SEPTIN14: variants seen among roughly 807,000 people sequenced by gnomAD.
SEPTIN14 encodes septin-14.
SEPTIN14 carries 40 observed loss-of-function variants against 53.6 expected under a neutral mutation model. That is an observed-to-expected ratio of 0.75 (90% CI 0.58 to 0.97). The LOEUF is 0.97. Among genes scored for constraint, SEPTIN14 ranks in the 50% least tolerant of loss-of-function variants. SEPTIN14 has a pLI of 0.00. For missense variants in SEPTIN14, 471 were observed against 508.2 expected, an observed-to-expected ratio of 0.93 and a Z score of 0.70; for synonymous variants, 138 against 166.8, an observed-to-expected ratio of 0.83 and a Z score of 1.33.
chr7:55,811,101 G>T (rs1181806641), intron 7 of SEPTIN14: 1 of 467,724 alleles, frequency 2.1e-6, no homozygotes. Context: ...AGATGTCAGG[G>T]GTGTTTGAAT....
At chr7:55,819,409 G>A (rs866863874) in intron 6 of SEPTIN14, among the ~76,000 whole-genome samples, 186 bp from the exon 7 acceptor site, 4 of 152,180 alleles carry the variant, frequency 2.6e-5, no homozygotes, top group South Asian at 4.1e-4. Flanking sequence ...CTATCATGGC[G>A]GAACCCCATC....
At chr7:55,831,551 A>G (rs1274429730) in intron 6 of SEPTIN14, among the ~76,000 whole-genome samples, 2 of 152,214 alleles carry the variant, frequency 1.3e-5, no homozygotes, top group Non-Finnish European at 2.9e-5. Flanking sequence ...AAACTCTTCT[A>G]GATATTGGCC....
chr7:55,845,277 T>A (rs1160720345), intron 3 of SEPTIN14, among the ~76,000 whole-genome samples: 1 of 149,112 alleles, frequency 6.7e-6, no homozygotes, highest in East Asian at 2.0e-4. Context: ...GTAGCGCTAT[T>A]CACAGTAGCA....
intron 9 of SEPTIN14, chr7:55,798,406 C>T (rs1229480570): frequency 8.3e-6 from 2 of 240,372 alleles, no homozygotes; most frequent in South Asian, 5.9e-5. Flanking sequence ...GAGGAGGAGC[C>T]CTGGGCCCCT....
chr7:55,822,309 T>C lies in SEPTIN14; in HGVS notation c.721-3086A>G, dbSNP rs533603942. The stretch of plus-strand genomic sequence containing the variant: ...GTACATGGATAGAAAGACTCAATAT[T>C]GTCAAGATGTCAATGTTCCATAACT... On this transcript the variant is annotated intron_variant, in intron 6 of 9. Coordinates refer to ENST00000388975, the MANE Select transcript of SEPTIN14 (RefSeq NM_207366.3). 1.4e-3 allele frequency among the ~76,000 whole-genome samples: 209 copies of C among 152,338 alleles called. 2 individuals carry two copies. Among genetic ancestry groups the C allele is most frequent in the Middle Eastern group, 0.01 (3 of 294 alleles).
chr7:55,856,924 T>C (rs1789638537), intron 2 of SEPTIN14, among the ~76,000 whole-genome samples: 1 of 150,610 alleles, frequency 6.6e-6, no homozygotes, highest in Admixed American at 6.6e-5. Context: ...ATTACAAACA[T>C]TAGCTGGGCG....
At chr7:55,848,316 C>A (rs1016278767) in intron 2 of SEPTIN14, among the ~76,000 whole-genome samples, 26 of 152,080 alleles carry the variant, frequency 1.7e-4, no homozygotes, top group African/African-American at 6.3e-4. Flanking sequence ...CATGCGCCAC[C>A]ATGCCCAGCC....
At chr7:55,854,226 G>T (rs1358446830) in intron 2 of SEPTIN14, among the ~76,000 whole-genome samples, 1 of 151,920 alleles carries the variant, frequency 6.6e-6, no homozygotes, top group East Asian at 1.9e-4. Context: ...TATATTTGAT[G>T]AATTGAATTG....
intron 3 of SEPTIN14, among the ~76,000 whole-genome samples, chr7:55,845,294 T>A (rs1170621573): frequency 6.7e-6 from 1 of 149,642 alleles, no homozygotes; most frequent in Non-Finnish European, 1.5e-5. Context: ...AGCAAAGACA[T>A]GGAATCAACC....
At chr7:55,835,547 A>G (rs762441707) in intron 5 of SEPTIN14, among the ~76,000 whole-genome samples, 39 of 152,186 alleles carry the variant, frequency 2.6e-4, no homozygotes, top group South Asian at 1.9e-3. Flanking sequence ...CTGAGTGATA[A>G]AAGACAAATT....
intron 2 of SEPTIN14, among the ~76,000 whole-genome samples, chr7:55,855,970 GTTTGA>G (rs1789617005): frequency 1.3e-5 from 2 of 152,076 alleles, no homozygotes; most frequent in Non-Finnish European, 2.9e-5. Context: ...ATTTATTAAG[GTTTGA>G]TTTAATGTAT....
chr7:55,834,119 A>G (rs796551109), intron 6 of SEPTIN14, among the ~76,000 whole-genome samples: 76 of 152,312 alleles, frequency 5.0e-4, no homozygotes, highest in African/African-American at 1.7e-3. Flanking sequence ...ACTTTCAAAG[A>G]AAATTTAATA....
chr7:55,802,513 A>G lies in SEPTIN14; in HGVS notation c.1119+2745T>C, dbSNP rs1409519067. ...AATTTATTCTTGGAATGCAAGGATG[A>G]TTCAAATACACAAATCAATAAATGT... On this transcript the variant is annotated intron_variant, in intron 9 of 9. Coordinates refer to ENST00000388975, the MANE Select transcript of SEPTIN14 (RefSeq NM_207366.3). Among the ~76,000 whole-genome samples the G allele has an allele frequency of 3.3e-5, 5 of 151,746 alleles. No homozygotes were observed. In the Admixed American group the frequency reaches 3.3e-4, roughly 10 times the overall value.
At chr7:55,815,522 A>G (rs1177852092) in intron 7 of SEPTIN14, among the ~76,000 whole-genome samples, 2 of 152,202 alleles carry the variant, frequency 1.3e-5, no homozygotes, top group South Asian at 2.1e-4. Context: ...TCTTATTGAT[A>G]ATAACTGTTT....
At chr7:55,808,675 T>C (rs1335318063) in intron 7 of SEPTIN14, among the ~76,000 whole-genome samples, 1 of 152,048 alleles carries the variant, frequency 6.6e-6, no homozygotes, top group Non-Finnish European at 1.5e-5. Flanking sequence ...CCTCAGCCTC[T>C]CAAGTAGCTG....
chr7:55,794,511 T>C lies in SEPTIN14; in HGVS notation c.*1402A>G, dbSNP rs1443929206. ...ACATTTTTCTAGGCCTAGGAATGGATACATAAGTGAACAAAGCAAAGATTC... is the reference window on the plus strand; with the variant it reads ...ACATTTTTCTAGGCCTAGGAATGGACACATAAGTGAACAAAGCAAAGATTC... On this transcript the variant is annotated 3_prime_UTR_variant, in exon 10 of 10. Transcript: ENST00000388975. 2.6e-5 allele frequency: 4 copies of C among 152,222 alleles called. No homozygotes were observed. The highest frequency in any genetic ancestry group is 5.9e-5 in the Non-Finnish European group (4 of 68,040). 9.4% of individuals were successfully genotyped at this position (152,222 alleles called of 1,614,324 possible).
At chr7:55,831,055 A>G (rs1466197910) in intron 6 of SEPTIN14, among the ~76,000 whole-genome samples, 1 of 152,204 alleles carries the variant, frequency 6.6e-6, no homozygotes. Flanking sequence ...CAGAATTAGA[A>G]AAAACGATCC....
At chr7:55,833,158 C>T (rs1191985676) in intron 6 of SEPTIN14, among the ~76,000 whole-genome samples, 1 of 151,602 alleles carries the variant, frequency 6.6e-6, no homozygotes, top group African/African-American at 2.4e-5. Flanking sequence ...ACTAAAAATA[C>T]AAACAAATTA....
At chr7:55,843,937 C>T (rs1789358177) in intron 4 of SEPTIN14, among the ~76,000 whole-genome samples, 1 of 152,146 alleles carries the variant, frequency 6.6e-6, no homozygotes, top group Non-Finnish European at 1.5e-5. Flanking sequence ...GAGTTTGACA[C>T]CAGCCTGGGC....
Sources: gnomAD v4.1 joint callset for allele counts (sites outside exome capture counted in the v4.1 genomes callset) on GRCh38, gnomAD v4.1.1 for gene constraint, MANE v1.5 for transcripts, NCBI Gene and HGNC (gene_info 2026-07-23, HGNC 2026-07-21) for gene names.